SCD5: variants seen among roughly 807,000 people sequenced by gnomAD.
The protein encoded by SCD5 is stearoyl-CoA desaturase 5, also known as acyl-CoA-desaturase 4.
SCD5 carries 20 observed loss-of-function variants against 30.4 expected under a neutral mutation model. The observed-to-expected ratio is 0.66, with a 90% confidence interval of 0.46 to 0.96. The LOEUF is 0.96. Ranked by LOEUF, SCD5 falls within the 40% of genes least tolerant of loss-of-function variation. SCD5 has a pLI of 0.00. For missense variants in SCD5, 381 were observed against 443.3 expected, an observed-to-expected ratio of 0.86 and a Z score of 1.26; for synonymous variants, 173 against 176.4, an observed-to-expected ratio of 0.98 and a Z score of 0.16.
intron 1 of SCD5, among the ~76,000 whole-genome samples, chr4:82,720,513 T>C (rs1246766728): frequency 1.3e-5 from 2 of 149,858 alleles, no homozygotes; most frequent in African/African-American, 2.5e-5. Flanking sequence ...CTATAATCCA[T>C]TCCTAGTTGA....
At chr4:82,679,485 GTAA>G (rs1578018012) in intron 3 of SCD5, among the ~76,000 whole-genome samples, 1 of 152,098 alleles carries the variant, frequency 6.6e-6, no homozygotes, top group African/African-American at 2.4e-5. Context: ...AACTGCCTGT[GTAA>G]TAATAATAAT....
Position 82,644,186 on chromosome 4 carries a change from C to A in SCD5, c.570-7363G>T, listed in dbSNP as rs533853070. ...GCCTTGCCTGAGGTCATGCCCCTCC[C>A]CTAATGACTGCACATCGGTGACTGA... On this transcript the variant is annotated intron_variant, in intron 3 of 4. Transcript: ENST00000319540. 6.6e-5 allele frequency among the ~76,000 whole-genome samples: 10 copies of A among 152,296 alleles called. No individual in the cohort carries two copies. The South Asian group carries it at 1.9e-3, about 28-fold the overall frequency.
At chr4:82,797,860 G>T (rs1442554035) in intron 1 of SCD5, among the ~76,000 whole-genome samples, 1 of 152,106 alleles carries the variant, frequency 6.6e-6, no homozygotes, top group Admixed American at 6.5e-5. Context: ...CAAGGTCCGT[G>T]ACCCGCGGAG....
At chr4:82,691,901 G>C (rs759477914) in intron 2 of SCD5, 1 of 152,372 alleles carries the variant, frequency 6.6e-6, no homozygotes, top group African/African-American at 2.4e-5. Context: ...GGTGTGTCTG[G>C]TGTTACTGGT....
intron 4 of SCD5, among the ~76,000 whole-genome samples, chr4:82,633,562 G>GT (rs1450594981): frequency 6.6e-6 from 1 of 152,154 alleles, no homozygotes; most frequent in Non-Finnish European, 1.5e-5. Flanking sequence ...CCTCCATACT[G>GT]TTTTCCATAA....
intron 1 of SCD5, among the ~76,000 whole-genome samples, chr4:82,715,017 T>C (rs771778706): frequency 1.3e-5 from 2 of 151,142 alleles, no homozygotes; most frequent in Non-Finnish European, 2.9e-5. Flanking sequence ...CAGGCAGATC[T>C]CTTGAGGTCA....
In SCD5 at chr4:82,764,722, TTTTC is replaced by T. The variant is rs1400972214; in HGVS notation, c.232+33580_232+33583del. On this transcript the variant is annotated intron_variant, in intron 1 of 4. Coordinates refer to ENST00000319540, the MANE Select transcript of SCD5 (RefSeq NM_001037582.3). ...TAAACACGATCTTTTAAATATTTTC[TTTTC>T]TTTCTTTTTTTTTTTTTGAGATGGA... Among the ~76,000 whole-genome samples the T allele has an allele frequency of 6.4e-5, 9 of 141,174 alleles. No homozygotes were observed. In the East Asian group the frequency reaches 7.9e-4, roughly 12 times the overall value. The allele number at this position is 141,174 out of a possible 152,430, so 92.6% of individuals were successfully genotyped here.
intron 1 of SCD5, among the ~76,000 whole-genome samples, chr4:82,730,076 T>A (rs377744194): frequency 3.3e-5 from 5 of 152,084 alleles, no homozygotes; most frequent in African/African-American, 1.2e-4. Flanking sequence ...CATGTGTATT[T>A]GTGATGTGCA....
At chr4:82,693,440 G>A (rs1400616595) in intron 2 of SCD5, among the ~76,000 whole-genome samples, 5 of 152,136 alleles carry the variant, frequency 3.3e-5, no homozygotes, top group African/African-American at 1.2e-4. Context: ...TCTAGTTCAA[G>A]ATCAACTTTT....
chr4:82,658,372 G>A (rs1397782070), intron 3 of SCD5, among the ~76,000 whole-genome samples: 1 of 151,612 alleles, frequency 6.6e-6, no homozygotes, highest in African/African-American at 2.4e-5. Context: ...TTTGTCATTG[G>A]TTCTGTTTAT....
chr4:82,743,856 G>A (rs1251378233), intron 1 of SCD5, among the ~76,000 whole-genome samples: 1 of 152,004 alleles, frequency 6.6e-6, no homozygotes, highest in East Asian at 1.9e-4. Context: ...GTTGAGACAA[G>A]GTCTGGCTCT....
chr4:82,714,231 A>G (rs1720173773), intron 1 of SCD5, among the ~76,000 whole-genome samples: 2 of 152,020 alleles, frequency 1.3e-5, no homozygotes, highest in South Asian at 2.1e-4. Flanking sequence ...CCATTTCCCT[A>G]TTCCCCTTTA....
chr4:82,679,231 A>C, intron 3 of SCD5, among the ~76,000 whole-genome samples: 1 of 114,762 alleles, frequency 8.7e-6, no homozygotes, highest in East Asian at 2.9e-4. Flanking sequence ...AAAGAAAGAA[A>C]GAAAGAAAGA....
intron 4 of SCD5, among the ~76,000 whole-genome samples, chr4:82,636,202 A>G (rs955580272): frequency 3.3e-5 from 5 of 152,118 alleles, no homozygotes; most frequent in African/African-American, 1.2e-4. Context: ...CTCCTCTGGC[A>G]GGCCAAGGAG....
intron 2 of SCD5, among the ~76,000 whole-genome samples, chr4:82,694,363 G>A (rs78552270): frequency 0.083 from 12,687 of 152,196 alleles, 714 homozygotes; most frequent in Admixed American, 0.16. Context: ...AGATGTTGAC[G>A]CTGTCAGTGC....
chr4:82,753,789 C>G (rs993882875), intron 1 of SCD5, among the ~76,000 whole-genome samples: 2 of 152,114 alleles, frequency 1.3e-5, no homozygotes, highest in Admixed American at 6.5e-5. Context: ...GCACATACCC[C>G]CCTGACAGAA....
At chr4:82,736,377 G>A (rs968785530) in intron 1 of SCD5, among the ~76,000 whole-genome samples, 3 of 149,372 alleles carry the variant, frequency 2.0e-5, no homozygotes, top group Admixed American at 1.3e-4. Context: ...GAGAGGCTGA[G>A]GCAGGTGGAT....
At chr4:82,655,892 C>T (rs1262762733) in intron 3 of SCD5, among the ~76,000 whole-genome samples, 4 of 152,292 alleles carry the variant, frequency 2.6e-5, no homozygotes, top group South Asian at 4.1e-4. Context: ...GCTGACATGT[C>T]TGCTGTAAGC....
chr4:82,660,978 A>C, intron 3 of SCD5: 2 of 1,614,168 alleles, frequency 1.2e-6, no homozygotes, highest in Non-Finnish European at 8.5e-7. Context: ...GTAATCCGGG[A>C]AGGGTGACTT....
Sources: gnomAD v4.1 joint callset for allele counts (sites outside exome capture counted in the v4.1 genomes callset) on GRCh38, gnomAD v4.1.1 for gene constraint, MANE v1.5 for transcripts, NCBI Gene and HGNC (gene_info 2026-07-23, HGNC 2026-07-21) for gene names.